Variants in SLC14A2 observed in about 807,000 individuals in gnomAD.
SLC14A2 encodes the protein solute carrier family 14 member 2.
SLC14A2 carries 91 observed loss-of-function variants against 104.6 expected under a neutral mutation model. That is an observed-to-expected ratio of 0.87 (90% CI 0.73 to 1.04). The LOEUF (loss-of-function observed/expected upper bound fraction) is 1.04. Ranked by LOEUF, SLC14A2 falls within the 50% of genes least tolerant of loss-of-function variation. SLC14A2 has a pLI of 0.00. For synonymous variants in SLC14A2, 476 were observed against 466.4 expected (o/e 1.02, Z -0.27); for missense variants, 1,189 against 1,156.0 (o/e 1.03, Z -0.41).
At chr18:45,654,012 CCAGA>C (rs2045786710) in intron 10 of SLC14A2, among the ~76,000 whole-genome samples, 1 of 152,150 alleles carries the variant, frequency 6.6e-6, no homozygotes. Context: ...AGGGAAGCTA[CCAGA>C]CAGTCCCCAG....
intron 2 of SLC14A2, among the ~76,000 whole-genome samples, chr18:45,562,483 A>AG (rs982942812): frequency 3.9e-5 from 6 of 152,186 alleles, no homozygotes; most frequent in Non-Finnish European, 8.8e-5. Context: ...CATTCCTGGC[A>AG]GGGGGACAGC....
intron 2 of SLC14A2, among the ~76,000 whole-genome samples, chr18:45,547,198 A>T (rs1021808460): frequency 1.3e-5 from 2 of 152,202 alleles, no homozygotes; most frequent in Non-Finnish European, 2.9e-5. Context: ...AAAAAAAGAA[A>T]AACTTTTATT....
chr18:45,638,692 A>G lies in SLC14A2; in HGVS notation c.844-1054A>G, dbSNP rs143687736. On this transcript the variant is annotated intron_variant, in intron 6 of 19. Coordinates refer to ENST00000255226, the MANE Select transcript of SLC14A2 (RefSeq NM_007163.4). ...ATCAATTCCTATTTGTTAAGCACCT[A>G]TGGTGTACCTGGGCATAAAGGGCCC... Among the ~76,000 whole-genome samples the G allele has an allele frequency of 3.3e-5, 5 of 152,324 alleles. No individual in the cohort carries two copies. In the East Asian group the frequency reaches 7.7e-4, roughly 24 times the overall value.
intron 1 of SLC14A2, among the ~76,000 whole-genome samples, chr18:45,481,651 G>A (rs778538652): frequency 2.0e-5 from 3 of 152,060 alleles, no homozygotes; most frequent in Non-Finnish European, 4.4e-5. Flanking sequence ...TTAAAAAGTT[G>A]AATTTATTGA....
chr18:45,627,292 G>A (rs1365000455), intron 4 of SLC14A2, 145 bp downstream of exon 4: 1 of 663,970 alleles, frequency 1.5e-6, no homozygotes, highest in East Asian at 2.7e-5. Flanking sequence ...GACAGTCCTT[G>A]CAGAATTACA....
In SLC14A2 at chr18:45,641,086, G is replaced by A. The variant is rs1014609758; in HGVS notation, c.992-123G>A. ...CCATTTGTAGAGGCTCTTTTGATGG[G>A]CAGGTTTGGAGATGTGGGGTGAACA... is the stretch of plus-strand genomic sequence containing the variant. On this transcript the variant is annotated intron_variant, in intron 7 of 19. Coordinates refer to ENST00000255226, the MANE Select transcript of SLC14A2 (RefSeq NM_007163.4). 9 of 916,668 alleles carry A rather than the reference G, an allele frequency of 9.8e-6. No homozygotes were observed. The African/African-American group carries it at 1.5e-4, about 15-fold the overall frequency. 56.8% of individuals were successfully genotyped at this position (916,668 alleles called of 1,614,324 possible).
chr18:45,466,754 T>C (rs2144655637), intron 1 of SLC14A2, among the ~76,000 whole-genome samples: 1 of 151,760 alleles, frequency 6.6e-6, no homozygotes, highest in Middle Eastern at 3.4e-3. Flanking sequence ...TGGGCAGTGA[T>C]TGGAGATGAC....
rs182697506 is a variant in SLC14A2, at chr18:45,382,779, G to A, written c.-124-100454G>A. Among the ~76,000 whole-genome samples the A allele has an allele frequency of 1.1e-3, 171 of 152,232 alleles. 1 individual carries two copies. The highest frequency in any genetic ancestry group is 3.4e-3 in the Middle Eastern group (1 of 294). On this transcript the variant is annotated intron_variant, in intron 1 of 20. Coordinates refer to the SLC14A2 transcript ENST00000586448. ...TTCAGATGTCTCTTTTTTACTTCAC[G>A]TAGCTCTTTTGAAAACAGCTGTAGA...
At chr18:45,345,503 T>C (rs1309952582) in intron 1 of SLC14A2, among the ~76,000 whole-genome samples, 1 of 152,126 alleles carries the variant, frequency 6.6e-6, no homozygotes, top group Non-Finnish European at 1.5e-5. Context: ...GCCCTGAGTC[T>C]TATCCCTTTT....
intron 1 of SLC14A2, among the ~76,000 whole-genome samples, chr18:45,465,109 A>G (rs887164786): frequency 1.3e-5 from 2 of 152,210 alleles, no homozygotes; most frequent in Non-Finnish European, 2.9e-5. Context: ...CACAGGTACC[A>G]GCTAAAGAGA....
At chr18:45,322,814 T>C (rs1208401833) in intron 1 of SLC14A2, among the ~76,000 whole-genome samples, 3 of 151,978 alleles carry the variant, frequency 2.0e-5, no homozygotes, top group East Asian at 1.9e-4. Context: ...AGCCCAGCAC[T>C]TTTTTTTCAC....
chr18:45,414,400 A>G (rs1274252113), intron 1 of SLC14A2, among the ~76,000 whole-genome samples: 2 of 152,094 alleles, frequency 1.3e-5, no homozygotes, highest in African/African-American at 4.8e-5. Flanking sequence ...AGAATAATGA[A>G]CTGTTTGGGA....
At chr18:45,247,215 T>A (rs897762394) in intron 1 of SLC14A2, among the ~76,000 whole-genome samples, 9 of 152,246 alleles carry the variant, frequency 5.9e-5, no homozygotes, top group African/African-American at 2.2e-4. Flanking sequence ...CTACTTTGTT[T>A]TAAAGGTTGT....
intron 2 of SLC14A2, among the ~76,000 whole-genome samples, chr18:45,589,499 T>C (rs1300856976): frequency 6.6e-6 from 1 of 152,128 alleles, no homozygotes; most frequent in Admixed American, 6.5e-5. Context: ...GGAATTCTCA[T>C]AGGACATTTC....
intron 2 of SLC14A2, among the ~76,000 whole-genome samples, chr18:45,510,936 G>A (rs2043357762): frequency 1.3e-5 from 2 of 152,162 alleles, no homozygotes; most frequent in Admixed American, 1.3e-4. Flanking sequence ...ACCAAATGCT[G>A]TTATTTTTAA....
chr18:45,665,450 A>G (rs568488697), intron 11 of SLC14A2, among the ~76,000 whole-genome samples: 1 of 152,318 alleles, frequency 6.6e-6, no homozygotes, highest in Admixed American at 6.5e-5. Context: ...CTACAATTAC[A>G]AAGGCTTGCC....
At chr18:45,185,698 T>C in the SLC14A2 span, among the ~76,000 whole-genome samples, 1 of 152,018 alleles carries the variant, frequency 6.6e-6, no homozygotes, top group African/African-American at 2.4e-5. Context: ...AATAAAACTA[T>C]CTTTACTTCC....
At chr18:45,460,390 A>G (rs1218446049) in intron 1 of SLC14A2, among the ~76,000 whole-genome samples, 1 of 152,156 alleles carries the variant, frequency 6.6e-6, no homozygotes. Context: ...TGTACACACT[A>G]GGGCTGCCCA....
At chr18:45,539,420 C>T (rs1038211958) in intron 2 of SLC14A2, among the ~76,000 whole-genome samples, 1 of 152,300 alleles carries the variant, frequency 6.6e-6, no homozygotes, top group East Asian at 1.9e-4. Flanking sequence ...CCTGGACAGG[C>T]CAGGCCAATG....
Sources: gnomAD v4.1 joint callset for allele counts (sites outside exome capture counted in the v4.1 genomes callset) on GRCh38, gnomAD v4.1.1 for gene constraint, MANE v1.5 for transcripts, NCBI Gene and HGNC (gene_info 2026-07-23, HGNC 2026-07-21) for gene names.